The following HSD17B12 variants were observed in gnomAD, a reference collection of about 807,000 sequenced individuals.
HSD17B12 encodes very-long-chain 3-oxoacyl-CoA reductase.
HSD17B12 carries 32 observed loss-of-function variants against 39.3 expected under a neutral mutation model. That is an observed-to-expected ratio of 0.81 (90% CI 0.61 to 1.09). The LOEUF (loss-of-function observed/expected upper bound fraction) is 1.09. Among genes scored for constraint, HSD17B12 ranks in the 50% least tolerant of loss-of-function variants. The pLI is 0.00. For missense variants in HSD17B12, 342 were observed against 382.9 expected, an observed-to-expected ratio of 0.89 and a Z score of 0.89; for synonymous variants, 150 against 146.7, an observed-to-expected ratio of 1.02 and a Z score of -0.16.
rs567719316 is a variant in HSD17B12 at position 43,851,273 on chromosome 11, T to A, written c.685-3442T>A. ...TGGCAATATTTGTAATGGGAACTTG[T>A]TGAAATTGAGCAACTTGAAAAATCT... On this transcript the variant is annotated intron_variant, in intron 9 of 10. Coordinates refer to ENST00000278353, the MANE Select transcript of HSD17B12 (RefSeq NM_016142.3). Among the ~76,000 whole-genome samples the A allele has an allele frequency of 5.3e-5, 8 of 152,286 alleles. No homozygotes were observed. The East Asian group carries it at 1.2e-3, about 22-fold the overall frequency.
chr11:43,697,759 AAAAG>A (rs1455144352), intron 1 of HSD17B12, among the ~76,000 whole-genome samples: 1 of 152,186 alleles, frequency 6.6e-6, no homozygotes, highest in Non-Finnish European at 1.5e-5. Context: ...AAGTTTTTCT[AAAAG>A]AAGGTTGAGA....
At chr11:43,603,816 T>C in the HSD17B12 span, among the ~76,000 whole-genome samples, 1 of 152,200 alleles carries the variant, frequency 6.6e-6, no homozygotes, top group Non-Finnish European at 1.5e-5. Flanking sequence ...AATAAAAAAT[T>C]CCTTTGAAGG....
chr11:43,558,536 C>G, the HSD17B12 span, among the ~76,000 whole-genome samples: 338 of 152,208 alleles, frequency 2.2e-3, 1 homozygote, highest in African/African-American at 7.6e-3. Context: ...CTCTGAAGAG[C>G]AGCCACTTCT....
rs185745566 is a variant in HSD17B12 at position 43,737,059 on chromosome 11, T to C, written c.161-13852T>C. Among the ~76,000 whole-genome samples, 279 of 152,334 alleles carry C rather than the reference T, an allele frequency of 1.8e-3. 2 individuals are homozygous for C. Among genetic ancestry groups the C allele is most frequent in the African/African-American group, 6.4e-3 (266 of 41,576 alleles). On this transcript the variant is annotated intron_variant, in intron 1 of 10. Coordinates refer to ENST00000278353, the MANE Select transcript of HSD17B12 (RefSeq NM_016142.3). The stretch of plus-strand genomic sequence containing the variant: ...AGGCAGCTGTCATGGTTTGCGGCAG[T>C]ATTAATCTTTAATCAATCGAGTGTT...
chr11:43,652,646 T>C, the HSD17B12 span, among the ~76,000 whole-genome samples: 1 of 151,832 alleles, frequency 6.6e-6, no homozygotes, highest in Non-Finnish European at 1.5e-5. Flanking sequence ...ACAGAACATG[T>C]ATGCTGGTTT....
chr11:43,713,761 T>C (rs994422764), intron 1 of HSD17B12, among the ~76,000 whole-genome samples: 8 of 152,222 alleles, frequency 5.3e-5, no homozygotes, highest in Non-Finnish European at 1.0e-4. Flanking sequence ...AAAGTGTTCC[T>C]ATTTCTCCAC....
intron 3 of HSD17B12, among the ~76,000 whole-genome samples, chr11:43,774,652 G>A (rs1028389464): frequency 4.6e-5 from 7 of 152,074 alleles, no homozygotes; most frequent in Non-Finnish European, 2.9e-5. Flanking sequence ...GAGACTCTTC[G>A]AAGAGGTTTA....
intron 3 of HSD17B12, among the ~76,000 whole-genome samples, chr11:43,757,353 G>T (rs1336323497): frequency 6.6e-6 from 1 of 152,128 alleles, no homozygotes; most frequent in Non-Finnish European, 1.5e-5. Context: ...AAATAGGTAG[G>T]CCGGGCGCGG....
the HSD17B12 span, among the ~76,000 whole-genome samples, chr11:43,618,249 A>G: frequency 3.9e-5 from 6 of 152,260 alleles, no homozygotes; most frequent in African/African-American, 1.4e-4. Context: ...CTTTGCCTCT[A>G]TTTATTTATA....
intron 3 of HSD17B12, among the ~76,000 whole-genome samples, chr11:43,779,745 AT>A (rs1350477723): frequency 6.6e-6 from 1 of 152,228 alleles, no homozygotes. Context: ...CATTGCTTTA[AT>A]GGGCCAAAAT....
At chr11:43,678,853 T>C (rs1477762323), upstream of HSD17B12, among the ~76,000 whole-genome samples, 1 of 152,198 alleles carries the variant, frequency 6.6e-6, no homozygotes, top group Admixed American at 6.5e-5. Flanking sequence ...TAGTATAGTT[T>C]GAAGTCAGGT....
intron 1 of HSD17B12, among the ~76,000 whole-genome samples, chr11:43,717,260 A>G (rs1950132599): frequency 6.6e-6 from 1 of 152,208 alleles, no homozygotes; most frequent in Admixed American, 6.5e-5. Flanking sequence ...CTCAGGGCCT[A>G]GAACAGTACC....
rs1487174059 is a variant in HSD17B12, at chr11:43,797,869, T to C, written c.284-451T>C. Among the ~76,000 whole-genome samples the C allele has an allele frequency of 4.6e-5, 7 of 152,330 alleles. No individual in the cohort carries two copies. The East Asian group carries it at 1.2e-3, about 25-fold the overall frequency. On this transcript the variant is annotated intron_variant, in intron 3 of 10. Coordinates refer to ENST00000278353, the MANE Select transcript of HSD17B12 (RefSeq NM_016142.3). ...TCATTTTATTTCCATTGTGATAAGA[T>C]AGACTTTTTGTTTTAATGTGTCACA...
At chr11:43,734,043 C>T (rs1950293746) in intron 1 of HSD17B12, 3 of 786,666 alleles carry the variant, frequency 3.8e-6, no homozygotes, top group Admixed American at 1.8e-5. Flanking sequence ...GATCCTCTTC[C>T]GGCCTATCGC....
chr11:43,594,018 A>G, the HSD17B12 span, among the ~76,000 whole-genome samples: 1 of 152,198 alleles, frequency 6.6e-6, no homozygotes, highest in Non-Finnish European at 1.5e-5. Context: ...CCATATTTGG[A>G]TAAATATAGA....
the HSD17B12 span, among the ~76,000 whole-genome samples, chr11:43,648,881 AC>A: frequency 3.3e-5 from 5 of 152,016 alleles, no homozygotes; most frequent in Non-Finnish European, 7.4e-5. Context: ...ACAGGCACCC[AC>A]CACCATGCCT....
intron 1 of HSD17B12, among the ~76,000 whole-genome samples, chr11:43,714,096 T>TTC (rs1950097437): frequency 1.3e-5 from 2 of 152,222 alleles, no homozygotes; most frequent in Non-Finnish European, 2.9e-5. Flanking sequence ...TGATGGTAGT[T>TTC]TCTTTTGCTG....
At chr11:43,616,213 G>C in the HSD17B12 span, among the ~76,000 whole-genome samples, 2 of 152,058 alleles carry the variant, frequency 1.3e-5, no homozygotes, top group Non-Finnish European at 2.9e-5. Flanking sequence ...TTCAAGACCA[G>C]CCTGGGCAAC....
intron 3 of HSD17B12, among the ~76,000 whole-genome samples, chr11:43,780,377 A>T (rs1950753233): frequency 6.6e-6 from 1 of 152,162 alleles, no homozygotes; most frequent in Non-Finnish European, 1.5e-5. Context: ...CATGTTGACC[A>T]GGCTGATCTC....
Sources: allele counts gnomAD v4.1 joint callset (sites outside exome capture counted in the v4.1 genomes callset), GRCh38; gene constraint gnomAD v4.1.1; transcripts MANE v1.5; gene names NCBI Gene and HGNC (gene_info 2026-07-23, HGNC 2026-07-21).